FAM135B: variants seen among roughly 807,000 people sequenced by gnomAD.
The protein encoded by FAM135B is family with sequence similarity 135 member B, also known as protein FAM135B.
FAM135B carries 43 observed loss-of-function variants against 127.7 expected under a neutral mutation model. That is an observed-to-expected ratio of 0.34 (90% confidence interval 0.26 to 0.43). FAM135B has a LOEUF of 0.43. Ranked by LOEUF, FAM135B falls within the 20% of genes least tolerant of loss-of-function variation. The pLI is 1.00. For synonymous variants in FAM135B, 670 were observed against 665.1 expected, an observed-to-expected ratio of 1.01 and a Z score of -0.11; for missense variants, 1,558 against 1,725.6, an observed-to-expected ratio of 0.90 and a Z score of 1.72.
chr8:138,432,422 G>C (rs1429372377), intron 1 of FAM135B, among the ~76,000 whole-genome samples: 1 of 152,002 alleles, frequency 6.6e-6, no homozygotes, highest in Non-Finnish European at 1.5e-5. Flanking sequence ...CAAGCTGTCT[G>C]CTGAAACTGC....
intron 8 of FAM135B, among the ~76,000 whole-genome samples, chr8:138,197,107 GTGTGTGTGTGTATATA>G (rs1563757301): frequency 4.2e-5 from 2 of 47,886 alleles, no homozygotes; most frequent in African/African-American, 1.4e-4. Flanking sequence ...GTGTGTGTGT[GTGTGTGTGTGTATATA>G]TATAGTTTTT....
At chr8:138,362,373 G>T (rs1413080116) in intron 2 of FAM135B, among the ~76,000 whole-genome samples, 1 of 132,720 alleles carries the variant, frequency 7.5e-6, no homozygotes, top group Non-Finnish European at 1.5e-5. Flanking sequence ...AAGTAGTATT[G>T]TGCATGGACT....
chr8:138,228,277 C>T (rs1203580501), intron 7 of FAM135B, among the ~76,000 whole-genome samples: 1 of 152,060 alleles, frequency 6.6e-6, no homozygotes, highest in Non-Finnish European at 1.5e-5. Context: ...ATCCAAACTT[C>T]ACTCTCGCTG....
chr8:138,143,939 C>A (rs1038473250), intron 15 of FAM135B, among the ~76,000 whole-genome samples: 1 of 152,130 alleles, frequency 6.6e-6, no homozygotes, highest in Admixed American at 6.5e-5. Flanking sequence ...CTGTCACCTG[C>A]CATCCAATGA....
intron 2 of FAM135B, among the ~76,000 whole-genome samples, chr8:138,341,793 T>A (rs796743610): frequency 6.6e-6 from 1 of 152,064 alleles, no homozygotes; most frequent in Admixed American, 6.5e-5. Context: ...TAAAGACAAA[T>A]GTCTTAATCC....
chr8:138,341,669 AAG>A (rs1180723018), intron 2 of FAM135B, among the ~76,000 whole-genome samples: 1 of 152,202 alleles, frequency 6.6e-6, no homozygotes, highest in Non-Finnish European at 1.5e-5. Context: ...GGGCCACTGC[AAG>A]AATCCCCTGG....
intron 1 of FAM135B, among the ~76,000 whole-genome samples, chr8:138,433,275 A>G (rs909308766): frequency 1.3e-5 from 2 of 152,022 alleles, no homozygotes; most frequent in Non-Finnish European, 2.9e-5. Flanking sequence ...AAATCCCAGC[A>G]CTTTGGGAGG....
At chr8:138,444,029 C>T (rs1015858385) in intron 1 of FAM135B, among the ~76,000 whole-genome samples, 22 of 152,142 alleles carry the variant, frequency 1.4e-4, no homozygotes, top group South Asian at 4.1e-4. Flanking sequence ...AGATTATAAA[C>T]GAACAAAGAT....
At chr8:138,344,577 CTTT>C (rs869039075) in intron 2 of FAM135B, among the ~76,000 whole-genome samples, 2 of 83,944 alleles carry the variant, frequency 2.4e-5, no homozygotes, top group East Asian at 2.8e-4. Flanking sequence ...TTCTTTCTTT[CTTT>C]TTTTTTTTTT....
intron 4 of FAM135B, among the ~76,000 whole-genome samples, chr8:138,259,532 T>G (rs565219572): frequency 6.6e-6 from 1 of 152,140 alleles, no homozygotes; most frequent in Admixed American, 6.5e-5. Flanking sequence ...TCAACAAAGG[T>G]TAGCTATTAT....
chr8:138,486,435 C>G (rs910881987), intron 1 of FAM135B, among the ~76,000 whole-genome samples: 2 of 152,150 alleles, frequency 1.3e-5, no homozygotes, highest in African/African-American at 4.8e-5. Context: ...TGCTGACCCA[C>G]CTGGTCCCCT....
At chr8:138,416,411 G>C (rs1403412236) in intron 1 of FAM135B, among the ~76,000 whole-genome samples, 1 of 152,112 alleles carries the variant, frequency 6.6e-6, no homozygotes, top group Non-Finnish European at 1.5e-5. Flanking sequence ...TTTGGTACTT[G>C]TTTTATTTCA....
intron 2 of FAM135B, among the ~76,000 whole-genome samples, chr8:138,346,743 G>T (rs1050806627): frequency 3.3e-5 from 5 of 152,126 alleles, no homozygotes; most frequent in Non-Finnish European, 7.3e-5. Flanking sequence ...GTGATGGGTT[G>T]ATCTGTGCAG....
rs143383216 is a variant in FAM135B at position 138,241,689 on chromosome 8, C to T, written c.669+1253G>A. ...GACTGGGCATGGACAGTTTATCACA[C>T]TTATAATGTGGGCTACTCAGAAATT... On this transcript the variant is annotated intron_variant, in intron 7 of 19. Transcript: ENST00000395297. This position sits in a 1 kb window ranked among gnomAD's most constrained non-coding sequence, Gnocchi z 4.8. 5.0e-3 allele frequency among the ~76,000 whole-genome samples: 765 copies of T among 152,284 alleles called. 6 individuals carry two copies. Among genetic ancestry groups the T allele is most frequent in the Non-Finnish European group, 9.3e-3 (634 of 68,018 alleles).
At chr8:138,453,443 A>G (rs1382886712) in intron 1 of FAM135B, among the ~76,000 whole-genome samples, 1 of 149,734 alleles carries the variant, frequency 6.7e-6, no homozygotes, top group Non-Finnish European at 1.5e-5. Flanking sequence ...AAAAAAAAAG[A>G]GGCAAAATGA....
In FAM135B at chr8:138,195,240, C is replaced by T. The variant is rs146103516; in HGVS notation, c.873+18G>A. ...CTACTGCCATTCATTCAGACCCCAG[C>T]GCCAGTTCTCCAATTACCTGTAGCT... On this transcript the variant is annotated intron_variant, in intron 9 of 19. Transcript: ENST00000395297. The T allele has an allele frequency of 1.3e-5, 21 of 1,612,748 alleles. No individual in the cohort carries two copies. The East Asian group carries it at 1.6e-4, about 12-fold the overall frequency.
At chr8:138,218,630 G>A (rs1187343540) in intron 7 of FAM135B, among the ~76,000 whole-genome samples, 1 of 152,076 alleles carries the variant, frequency 6.6e-6, no homozygotes, top group Non-Finnish European at 1.5e-5. Context: ...ACAGCACAGA[G>A]TTGCTCAATA....
intron 7 of FAM135B, among the ~76,000 whole-genome samples, chr8:138,206,369 C>A (rs62530919): frequency 0.066 from 2,315 of 34,950 alleles, 1 homozygote; most frequent in Middle Eastern, 0.17. Flanking sequence ...CTCCACCTAC[C>A]CACAACTCTA....
At position 138,151,252 on chromosome 8, in the gene FAM135B, C is replaced by A; in HGVS notation, c.3223G>T (p.Gly1075Ter). Reference sequence around the variant, plus strand: ...GTGCTGGAATGGGTAGAAACAACTCCAAAGGATCCCAAAGGCTGATGGGTG... The same window carrying A: ...GTGCTGGAATGGGTAGAAACAACTCAAAAGGATCCCAAAGGCTGATGGGTG... ...PITHQPLGSF[G>*]VVSTHSSTLD... The change falls in exon 13 of 20, where the codon GGA (glycine) becomes TGA (stop). Residue 1075 changes from glycine (G) to a stop codon, truncating the protein, a stop_gained. Transcript: ENST00000395297. LOFTEE classifies it high-confidence loss of function. 6.2e-7 allele frequency: 1 copy of A among 1,606,744 alleles called. No individual in the cohort carries two copies.
Sources: allele counts gnomAD v4.1 joint callset (sites outside exome capture counted in the v4.1 genomes callset), GRCh38; gene constraint gnomAD v4.1.1; non-coding constraint Gnocchi (gnomAD v3.1); transcripts MANE v1.5; gene names NCBI Gene and HGNC (gene_info 2026-07-23, HGNC 2026-07-21).